The following NR2F1-AS1 variants were observed in gnomAD, a reference collection of about 807,000 sequenced individuals.
NR2F1-AS1 encodes NR2F1 regulatory antisense RNA 1.
At chr5:93,522,758 C>T (rs1335499705) in intron 4 of NR2F1-AS1, among the ~76,000 whole-genome samples, 1 of 150,572 alleles carries the variant, frequency 6.6e-6, no homozygotes, top group African/African-American at 2.5e-5. Context: ...GGAACTCCCT[C>T]CCCTAGCCAA....
chr5:93,548,946 A>G (rs1040786006), intron 4 of NR2F1-AS1, among the ~76,000 whole-genome samples: 5 of 152,178 alleles, frequency 3.3e-5, no homozygotes, highest in African/African-American at 7.2e-5. Context: ...CTTAATTTCA[A>G]TTATACCAGG....
chr5:93,429,854 T>C (rs985896596), intron 4 of NR2F1-AS1, among the ~76,000 whole-genome samples: 2 of 152,232 alleles, frequency 1.3e-5, no homozygotes, highest in African/African-American at 4.8e-5. Context: ...CAGGTTTCTG[T>C]GACTTGGTTT....
chr5:93,580,326 GAAGA>G lies in NR2F1-AS1; in HGVS notation n.313+137_313+140del, dbSNP rs1197575602. ...CGAGGGCAACTCCCGAGCAGGCCCC[GAAGA>G]AAGTTCTCCTCGTCCCGCCCTGGCT... On this transcript the variant is annotated intron_variant and non_coding_transcript_variant, in intron 1 of 5. Coordinates refer to ENST00000660523, the Ensembl canonical transcript of NR2F1-AS1. 4.6e-5 allele frequency: 7 copies of G among 152,454 alleles called. No homozygotes were observed. In the South Asian group the frequency reaches 1.0e-3, roughly 23 times the overall value. 9.4% of individuals were successfully genotyped at this position (152,454 alleles called of 1,614,324 possible).
intron 4 of NR2F1-AS1, among the ~76,000 whole-genome samples, chr5:93,549,389 C>G (rs1752171804): frequency 2.0e-5 from 3 of 152,012 alleles, no homozygotes; most frequent in Middle Eastern, 3.4e-3. Context: ...CAAAGGAAAA[C>G]AAAGAAAGTA....
At chr5:93,409,485 T>C (rs968047825) in intron 4 of NR2F1-AS1, 1 of 152,194 alleles carries the variant, frequency 6.6e-6, no homozygotes, top group Non-Finnish European at 1.5e-5. Context: ...AATGCACAGA[T>C]GGACACTCCA....
intron 4 of NR2F1-AS1, among the ~76,000 whole-genome samples, chr5:93,444,427 C>T (rs1374247917): frequency 2.6e-5 from 4 of 152,050 alleles, no homozygotes; most frequent in Non-Finnish European, 5.9e-5. Flanking sequence ...AGACTTTAAA[C>T]CAACTAAGAC....
intron 4 of NR2F1-AS1, among the ~76,000 whole-genome samples, chr5:93,488,013 T>G (rs372397627): frequency 1.5e-3 from 229 of 152,266 alleles, no homozygotes; most frequent in African/African-American, 4.3e-3. Context: ...ATTTAATAAA[T>G]GGTATTGGGA....
intron 4 of NR2F1-AS1, among the ~76,000 whole-genome samples, chr5:93,547,139 G>T (rs530958530): frequency 6.6e-6 from 1 of 152,046 alleles, no homozygotes; most frequent in Non-Finnish European, 1.5e-5. Flanking sequence ...ATGTGTGTGC[G>T]TGGGTGTGTG....
At chr5:93,463,059 G>A (rs1750133214) in intron 4 of NR2F1-AS1, among the ~76,000 whole-genome samples, 1 of 152,128 alleles carries the variant, frequency 6.6e-6, no homozygotes, top group Non-Finnish European at 1.5e-5. Context: ...AAGATAATGG[G>A]GAAAATGTCT....
chr5:93,496,925 G>A, intron 4 of NR2F1-AS1, among the ~76,000 whole-genome samples: 1 of 152,158 alleles, frequency 6.6e-6, no homozygotes, highest in East Asian at 1.9e-4. Flanking sequence ...CCTTTTTACT[G>A]TGAATACAGA....
At chr5:93,554,763 C>T (rs973530425) in intron 3 of NR2F1-AS1, 1 of 152,098 alleles carries the variant, frequency 6.6e-6, no homozygotes, top group African/African-American at 2.4e-5. Flanking sequence ...ATTATTGAAA[C>T]ATTCTTCTTT....
chr5:93,504,442 C>T (rs1025898355), intron 4 of NR2F1-AS1, among the ~76,000 whole-genome samples: 1 of 152,020 alleles, frequency 6.6e-6, no homozygotes, highest in African/African-American at 2.4e-5. Flanking sequence ...AACAGGTAAC[C>T]CCTATTTTAA....
chr5:93,456,891 A>T (rs1056668234), intron 4 of NR2F1-AS1, among the ~76,000 whole-genome samples: 1 of 152,152 alleles, frequency 6.6e-6, no homozygotes, highest in African/African-American at 2.4e-5. Flanking sequence ...CATCATAAAC[A>T]AGGTAAAGAA....
intron 4 of NR2F1-AS1, among the ~76,000 whole-genome samples, chr5:93,482,195 T>C (rs889630549): frequency 1.3e-5 from 2 of 152,104 alleles, no homozygotes; most frequent in Non-Finnish European, 2.9e-5. Flanking sequence ...GGTCTACAGC[T>C]CCCAGTGAGA....
intron 4 of NR2F1-AS1, among the ~76,000 whole-genome samples, chr5:93,518,344 A>G (rs943317024): frequency 6.6e-6 from 1 of 152,128 alleles, no homozygotes; most frequent in East Asian, 1.9e-4. Context: ...TGGTCTTACA[A>G]TTGGTAGTGT....
chr5:93,423,771 G>C (rs544285247), intron 4 of NR2F1-AS1, among the ~76,000 whole-genome samples: 18 of 152,094 alleles, frequency 1.2e-4, no homozygotes, highest in Non-Finnish European at 1.0e-4. Flanking sequence ...ATACTTTCAT[G>C]AGTCAGCATT....
chr5:93,561,418 T>C (rs1002004042), intron 2 of NR2F1-AS1, among the ~76,000 whole-genome samples: 5 of 152,286 alleles, frequency 3.3e-5, no homozygotes, highest in Admixed American at 6.5e-5. Flanking sequence ...TTCAACAATA[T>C]TAGCATCAGC....
chr5:93,546,667 C>T (rs568059672), intron 4 of NR2F1-AS1, among the ~76,000 whole-genome samples: 28 of 152,056 alleles, frequency 1.8e-4, no homozygotes, highest in African/African-American at 6.3e-4. Flanking sequence ...TGGAATTGAT[C>T]GTTTTCGTTT....
intron 4 of NR2F1-AS1, among the ~76,000 whole-genome samples, chr5:93,472,640 G>A (rs1266223798): frequency 6.6e-6 from 1 of 151,600 alleles, no homozygotes; most frequent in Non-Finnish European, 1.5e-5. Context: ...TTTTGGGGGT[G>A]AAGAGATATT....
Sources: allele counts gnomAD v4.1 joint callset (sites outside exome capture counted in the v4.1 genomes callset), GRCh38; gene constraint gnomAD v4.1.1; transcripts MANE v1.5; gene names NCBI Gene and HGNC (gene_info 2026-07-23, HGNC 2026-07-21).